The following FHIT variants were observed in gnomAD, a reference collection of about 807,000 sequenced individuals.
FHIT encodes the protein bis(5'-adenosyl)-triphosphatase.
Under a neutral mutation model 17.9 loss-of-function variants are expected in FHIT, and 19 were observed. That is an observed-to-expected ratio of 1.06 (90% CI 0.74 to 1.56). FHIT has a LOEUF of 1.56. FHIT is among the 40% of genes most tolerant of loss of function. The pLI, the probability that FHIT is intolerant of heterozygous loss-of-function variation, is 0.00. For synonymous variants in FHIT, 81 were observed against 69.7 expected, an observed-to-expected ratio of 1.16 and a Z score of -0.81; for missense variants, 248 against 189.2, an observed-to-expected ratio of 1.31 and a Z score of -1.82.
At chr3:59,939,056 A>G (rs1042899074) in intron 7 of FHIT, among the ~76,000 whole-genome samples, 2 of 152,200 alleles carry the variant, frequency 1.3e-5, no homozygotes, top group East Asian at 1.9e-4. Flanking sequence ...TGCTAAAGCA[A>G]TAACAATAAA....
At chr3:59,912,978 T>C (rs1183712415) in intron 8 of FHIT, among the ~76,000 whole-genome samples, 2 of 152,212 alleles carry the variant, frequency 1.3e-5, no homozygotes, top group African/African-American at 4.8e-5. Context: ...ACCTTGGGAA[T>C]TTTAGAAGCT....
At chr3:60,684,612 G>A (rs1457176189) in intron 4 of FHIT, among the ~76,000 whole-genome samples, 1 of 152,036 alleles carries the variant, frequency 6.6e-6, no homozygotes, top group Non-Finnish European at 1.5e-5. Context: ...CTCCGTGCCA[G>A]GGTCTCTTCC....
chr3:60,536,540 C>G, intron 5 of FHIT: 1 of 233,592 alleles, frequency 4.3e-6, no homozygotes, highest in Non-Finnish European at 8.2e-6. Context: ...ATTCACTGGG[C>G]TCATTTTAGA....
At chr3:60,777,175 T>A (rs1553724675) in intron 4 of FHIT, among the ~76,000 whole-genome samples, 1 of 152,216 alleles carries the variant, frequency 6.6e-6, no homozygotes, top group Non-Finnish European at 1.5e-5. Flanking sequence ...TACAGACTTA[T>A]TGTGAGCCAC....
At chr3:60,628,433 AT>A (rs1380290396) in intron 4 of FHIT, among the ~76,000 whole-genome samples, 1 of 152,140 alleles carries the variant, frequency 6.6e-6, no homozygotes, top group African/African-American at 2.4e-5. Context: ...TTTCTCTGAT[AT>A]TTCTGTTGTC....
intron 5 of FHIT, among the ~76,000 whole-genome samples, chr3:60,511,771 A>T (rs1156518857): frequency 1.3e-5 from 2 of 152,184 alleles, no homozygotes; most frequent in African/African-American, 4.8e-5. Flanking sequence ...TCCAGATCTG[A>T]AGCAGGGAAA....
At chr3:59,777,854 A>G (rs1330324738) in intron 8 of FHIT, among the ~76,000 whole-genome samples, 3 of 152,074 alleles carry the variant, frequency 2.0e-5, no homozygotes, top group Non-Finnish European at 1.5e-5. Flanking sequence ...GGCTTTTGCA[A>G]TCACTATTCA....
At chr3:60,575,848 G>A (rs932914195) in intron 4 of FHIT, among the ~76,000 whole-genome samples, 1 of 152,114 alleles carries the variant, frequency 6.6e-6, no homozygotes, top group African/African-American at 2.4e-5. Context: ...CCAAAGACTA[G>A]CAACGGGAGG....
chr3:60,098,400 T>C (rs7653314), intron 5 of FHIT, among the ~76,000 whole-genome samples: 92,853 of 145,954 alleles, frequency 0.64, 30,252 homozygotes, highest in East Asian at 0.98. Context: ...TTTTTAATGA[T>C]TGCCATTCTA....
intron 4 of FHIT, among the ~76,000 whole-genome samples, chr3:60,619,401 C>T (rs2039049422): frequency 6.6e-6 from 1 of 151,936 alleles, no homozygotes; most frequent in African/African-American, 2.4e-5. Context: ...GCAAAAGATT[C>T]AGAATATGCA....
At chr3:60,117,494 T>TAAA (rs34113926) in intron 5 of FHIT, among the ~76,000 whole-genome samples, 2,021 of 86,754 alleles carry the variant, frequency 0.023, 60 homozygotes, top group South Asian at 0.082. Flanking sequence ...ACTTCCTATC[T>TAAA]AAAAAAAAAA....
intron 2 of FHIT, among the ~76,000 whole-genome samples, chr3:61,099,421 G>A (rs1049160670): frequency 2.0e-5 from 3 of 152,102 alleles, no homozygotes; most frequent in African/African-American, 7.2e-5. Flanking sequence ...TCAGGATGCT[G>A]CTGGCCTCAT....
At chr3:60,728,522 T>C (rs1398452534) in intron 4 of FHIT, among the ~76,000 whole-genome samples, 1 of 152,148 alleles carries the variant, frequency 6.6e-6, no homozygotes, top group Non-Finnish European at 1.5e-5. Context: ...TCTACTACCC[T>C]CTTTGCTCTT....
chr3:60,319,261 C>T (rs1354175278), intron 5 of FHIT, among the ~76,000 whole-genome samples: 1 of 152,170 alleles, frequency 6.6e-6, no homozygotes, highest in Admixed American at 6.5e-5. Flanking sequence ...TGTTCATTTA[C>T]TCATCCACCC....
intron 1 of FHIT, among the ~76,000 whole-genome samples, chr3:61,213,864 G>A (rs542176429): frequency 1.6e-4 from 25 of 152,174 alleles, no homozygotes; most frequent in African/African-American, 4.1e-4. Flanking sequence ...ACTCAAAACC[G>A]CTCAATTACA....
At chr3:59,787,306 T>C (rs1699348567) in intron 8 of FHIT, among the ~76,000 whole-genome samples, 1 of 152,192 alleles carries the variant, frequency 6.6e-6, no homozygotes, top group African/African-American at 2.4e-5. Context: ...AGCCAGCATT[T>C]TTCTCTTTGA....
chr3:59,819,391 C>T (rs895650405), intron 8 of FHIT, among the ~76,000 whole-genome samples: 5 of 152,080 alleles, frequency 3.3e-5, no homozygotes, highest in Non-Finnish European at 5.9e-5. Flanking sequence ...TTCCGTGAGA[C>T]AATATGTTTG....
intron 4 of FHIT, among the ~76,000 whole-genome samples, chr3:60,808,315 G>C (rs1264698099): frequency 6.6e-6 from 1 of 151,858 alleles, no homozygotes; most frequent in Non-Finnish European, 1.5e-5. Context: ...TATTTCAACT[G>C]TATCTTTTGA....
intron 7 of FHIT, among the ~76,000 whole-genome samples, chr3:59,965,139 GTTATA>G (rs1707864474): frequency 1.3e-5 from 2 of 152,012 alleles, no homozygotes; most frequent in African/African-American, 4.8e-5. Context: ...CAAAACAATG[GTTATA>G]TTATGACAGC....
Sources: gnomAD v4.1 joint callset for allele counts (sites outside exome capture counted in the v4.1 genomes callset) on GRCh38, gnomAD v4.1.1 for gene constraint, MANE v1.5 for transcripts, NCBI Gene and HGNC (gene_info 2026-07-23, HGNC 2026-07-21) for gene names.